Variants in TRPM1 observed in about 807,000 individuals in gnomAD.
TRPM1 encodes the protein TRPM1-203 APA Isoform, Intron 10.
TRPM1 carries 113 observed loss-of-function variants against 149.4 expected under a neutral mutation model. That is an observed-to-expected ratio of 0.76 (90% CI 0.65 to 0.88). The LOEUF (loss-of-function observed/expected upper bound fraction) is 0.88, where lower values mean the gene tolerates loss of function less well. TRPM1 is among the 40% of genes least tolerant of loss of function. TRPM1 has a pLI of 0.00. For synonymous variants in TRPM1, 741 were observed against 759.5 expected, an observed-to-expected ratio of 0.98 and a Z score of 0.40; for missense variants, 1,976 against 2,038.7, an observed-to-expected ratio of 0.97 and a Z score of 0.59.
chr15:31,039,904 C>T (rs896097155), intron 18 of TRPM1, among the ~76,000 whole-genome samples: 1 of 152,164 alleles, frequency 6.6e-6, no homozygotes, highest in Admixed American at 6.5e-5. Context: ...AGTGTAGGTT[C>T]TGATCCCATG....
intron 12 of TRPM1, 136 bp downstream of exon 12, chr15:31,050,273 G>A (rs1262684744): frequency 2.1e-5 from 26 of 1,267,754 alleles, no homozygotes; most frequent in Non-Finnish European, 3.0e-5. Flanking sequence ...TTGAAATGCT[G>A]ACACTACCCA....
intron 7 of TRPM1, chr15:31,065,078 G>C (rs1160679448): frequency 3.7e-6 from 2 of 534,624 alleles, no homozygotes; most frequent in Non-Finnish European, 7.7e-6. Context: ...TGCTGTCCCT[G>C]CCCTGCTCAG....
intron 1 of TRPM1, among the ~76,000 whole-genome samples, chr15:31,121,532 A>G (rs757962760): frequency 1.3e-5 from 2 of 152,224 alleles, no homozygotes; most frequent in Non-Finnish European, 2.9e-5. Flanking sequence ...TAATAAAGGA[A>G]TAACATGAAC....
At chr15:31,041,536 T>C (rs1386319480) in intron 17 of TRPM1, among the ~76,000 whole-genome samples, 1 of 152,106 alleles carries the variant, frequency 6.6e-6, no homozygotes, top group Non-Finnish European at 1.5e-5. Flanking sequence ...TCCAGCCCCC[T>C]CTAGCCATCC....
At chr15:31,018,347 G>C (rs1431451307) in intron 27 of TRPM1, among the ~76,000 whole-genome samples, 1 of 150,766 alleles carries the variant, frequency 6.6e-6, no homozygotes, top group Non-Finnish European at 1.5e-5. Context: ...CACCACACTT[G>C]GCCTTTTAAA....
At chr15:31,088,797 T>G (rs1596058723) in intron 1 of TRPM1, among the ~76,000 whole-genome samples, 1 of 108,116 alleles carries the variant, frequency 9.2e-6, no homozygotes, top group East Asian at 6.6e-4. Flanking sequence ...GAACGTTCTT[T>G]CTGCTGGGGG....
chr15:31,092,729 C>T (rs946993252), intron 1 of TRPM1, among the ~76,000 whole-genome samples: 2 of 152,180 alleles, frequency 1.3e-5, no homozygotes, highest in Non-Finnish European at 2.9e-5. Flanking sequence ...ACAGAGCCGT[C>T]TAGATGCCCA....
chr15:31,081,213 T>C (rs2034848040), intron 2 of TRPM1, 140 bp downstream of exon 2: 3 of 717,022 alleles, frequency 4.2e-6, no homozygotes, highest in African/African-American at 3.5e-5. Context: ...ACTGGCGCCA[T>C]GGCCCGAGCC....
At chr15:31,084,839 ATTTT>A (rs35744261) in intron 1 of TRPM1, among the ~76,000 whole-genome samples, 17 of 136,878 alleles carry the variant, frequency 1.2e-4, no homozygotes, top group African/African-American at 2.7e-4. Context: ...CGCCTGGCTA[ATTTT>A]TTTTTTTTTT....
Position 31,070,143 on chromosome 15 carries a change from T to C in TRPM1, c.167A>G (p.Gln56Arg). 6.2e-7 allele frequency: 1 copy of C among 1,614,112 alleles called. No homozygotes were observed. The highest frequency in any genetic ancestry group is 8.5e-7 in the Non-Finnish European group (1 of 1,179,958). The change falls in exon 4 of 28, where the codon CAG becomes CGG. Residue 56 changes from glutamine to arginine, a missense_variant. Physicochemically the swap from Gln to Arg is conservative, Grantham distance 43. Around this residue, in one of 3 missense-constraint regions of TRPM1, gnomAD observed 1,332 missense variants for 1,347.1 expected, o/e 0.99. Coordinates refer to ENST00000256552, the MANE Select transcript of TRPM1 (RefSeq NM_001252024.2). ...TPSKNEEESK[Q>R]VETQPEKWSV... ...CCATTTCTCAGGCTGAGTCTCCACC[T>C]GTTTGCTTTCCTCTTCATTTTTGCT...
At position 31,158,964 on chromosome 15, in the gene TRPM1, G is replaced by A. The variant is rs1028165275; in HGVS notation, c.54+1942C>T. Among the ~76,000 whole-genome samples the A allele has an allele frequency of 2.0e-5, 3 of 152,046 alleles. No homozygotes were observed. In the South Asian group the frequency reaches 6.2e-4, roughly 32 times the overall value. ...CATAACTGTAAACATCTAGAGACGA[G>A]GAATGCCTAACTTTCTGAGAATGCA... On this transcript the variant is annotated intron_variant, in intron 1 of 26. Transcript: ENST00000542188.
In TRPM1 at chr15:31,028,338, A is replaced by C. The variant is rs776540890; in HGVS notation, c.3287T>G (p.Val1096Gly). 5.6e-6 allele frequency: 9 copies of C among 1,614,226 alleles called. No individual in the cohort carries two copies. Among genetic ancestry groups the C allele is most frequent in the Non-Finnish European group, 7.6e-6 (9 of 1,180,046 alleles). ...CATCGGCTGTGACACGTACTTGAACACAGCAATCAGCAGGTTCACCAGCAG... is the reference window on the plus strand; with the variant it reads ...CATCGGCTGTGACACGTACTTGAACCCAGCAATCAGCAGGTTCACCAGCAG... Reference protein sequence around the residue: ...NILLVNLLIAVFNNTFFEVKS... With the variant: ...NILLVNLLIAGFNNTFFEVKS... Residue 1096 changes from valine (V) to glycine (G), a missense_variant, in exon 25 of 28, where the codon GTG becomes GGG. Physicochemically the swap from Val to Gly is moderately radical, Grantham distance 109. Coordinates refer to ENST00000256552, the MANE Select transcript of TRPM1 (RefSeq NM_001252024.2).
At chr15:31,125,144 C>G (rs2035930703) in intron 1 of TRPM1, among the ~76,000 whole-genome samples, 1 of 152,250 alleles carries the variant, frequency 6.6e-6, no homozygotes, top group South Asian at 2.1e-4. Context: ...TGTCACTGTA[C>G]TCCAGCCTGG....
chr15:31,088,391 T>G (rs1005840808), intron 1 of TRPM1, among the ~76,000 whole-genome samples: 1 of 152,190 alleles, frequency 6.6e-6, no homozygotes, highest in Non-Finnish European at 1.5e-5. Flanking sequence ...TAAATGTTAT[T>G]GCTGCAAGCA....
chr15:31,143,923 G>C (rs751905384), intron 1 of TRPM1, among the ~76,000 whole-genome samples: 1 of 151,964 alleles, frequency 6.6e-6, no homozygotes, highest in African/African-American at 2.4e-5. Context: ...ATAATAATTT[G>C]CTCTCTTTAT....
intron 1 of TRPM1, among the ~76,000 whole-genome samples, chr15:31,159,795 G>T (rs1385747612): frequency 2.0e-5 from 3 of 152,154 alleles, no homozygotes; most frequent in Admixed American, 2.0e-4. Context: ...GCTGGGTATG[G>T]ATGGGAAGCA....
intron 13 of TRPM1, 70 bp downstream of exon 13, chr15:31,049,305 A>G: frequency 6.2e-7 from 1 of 1,609,626 alleles, no homozygotes; most frequent in South Asian, 1.1e-5. Flanking sequence ...ATTTATGCAC[A>G]ATATGCACCA....
At chr15:31,018,936 G>T (rs988635987) in intron 27 of TRPM1, among the ~76,000 whole-genome samples, 1 of 152,150 alleles carries the variant, frequency 6.6e-6, no homozygotes, top group African/African-American at 2.4e-5. Context: ...GATTACAGGC[G>T]TGAGCCACTG....
At chr15:31,096,351 A>G (rs1266954926) in intron 1 of TRPM1, among the ~76,000 whole-genome samples, 4 of 152,236 alleles carry the variant, frequency 2.6e-5, no homozygotes, top group African/African-American at 9.6e-5. Flanking sequence ...TAGCAATAAA[A>G]CATCTTAAAA....
Sources: gnomAD v4.1 joint callset for allele counts (sites outside exome capture counted in the v4.1 genomes callset) on GRCh38, gnomAD v4.1.1 for gene constraint, gnomAD v4.1.1 regional missense constraint, MANE v1.5 for transcripts, NCBI Gene and HGNC (gene_info 2026-07-23, HGNC 2026-07-21) for gene names.